Variants in GALNT13 observed in about 807,000 individuals in gnomAD.
GALNT13 encodes polypeptide N-acetylgalactosaminyltransferase 13.
Under a neutral mutation model 64.2 loss-of-function variants are expected in GALNT13, and 28 were observed. The ratio of observed to expected loss-of-function variants is 0.44; its 90% CI spans 0.32 to 0.60. The LOEUF is 0.60. Among genes scored for constraint, GALNT13 ranks in the 20% least tolerant of loss-of-function variants. GALNT13 has a pLI of 0.05. For missense variants in GALNT13, 577 were observed against 669.8 expected (o/e 0.86, Z 1.53); for synonymous variants, 214 against 224.6 (o/e 0.95, Z 0.42).
the GALNT13 span, among the ~76,000 whole-genome samples, chr2:153,621,017 A>T: frequency 6.6e-6 from 1 of 152,188 alleles, no homozygotes; most frequent in Non-Finnish European, 1.5e-5. Flanking sequence ...TTGTAGAGCT[A>T]TCACCTTGAT....
At chr2:153,457,149 G>C in the GALNT13 span, among the ~76,000 whole-genome samples, 408 of 152,324 alleles carry the variant, frequency 2.7e-3, 3 homozygotes, top group African/African-American at 9.0e-3. Context: ...TCAGCCTGAA[G>C]ATTTCATGCC....
chr2:153,378,496 A>G, the GALNT13 span, among the ~76,000 whole-genome samples: 1 of 152,128 alleles, frequency 6.6e-6, no homozygotes, highest in Non-Finnish European at 1.5e-5. Context: ...AAAATACTGG[A>G]TCAATCATGG....
intron 12 of GALNT13, chr2:154,446,348 C>A: frequency 3.1e-6 from 1 of 327,366 alleles, no homozygotes; most frequent in Admixed American, 4.4e-5. Context: ...ATCGTAAGCC[C>A]CTCTCCATAT....
Position 154,337,300 on chromosome 2 carries a change from T to G in GALNT13, c.1156+35711T>G, listed in dbSNP as rs905457141. 3.9e-5 allele frequency among the ~76,000 whole-genome samples: 6 copies of G among 152,122 alleles called. No homozygotes were observed. In the East Asian group the frequency reaches 9.6e-4, roughly 24 times the overall value. Reference sequence around the variant, plus strand: ...AATATATGTTCACTGTAGAAACCTTTCTAAAAAGTACTTATGAATGATAAT... The same window carrying G: ...AATATATGTTCACTGTAGAAACCTTGCTAAAAAGTACTTATGAATGATAAT... On this transcript the variant is annotated intron_variant, in intron 9 of 12. Transcript: ENST00000392825.
chr2:154,086,062 C>T (rs897482128), intron 3 of GALNT13, among the ~76,000 whole-genome samples: 1 of 150,786 alleles, frequency 6.6e-6, no homozygotes, highest in African/African-American at 2.4e-5. Context: ...TAATGTTAAA[C>T]TGAAAATACC....
chr2:153,923,731 CT>C (rs1160789955), intron 2 of GALNT13, among the ~76,000 whole-genome samples: 2 of 149,480 alleles, frequency 1.3e-5, no homozygotes. Flanking sequence ...TGATATTCCC[CT>C]TCCTGTGTCC....
chr2:154,214,183 C>T (rs1436614205), intron 4 of GALNT13, among the ~76,000 whole-genome samples: 3 of 152,162 alleles, frequency 2.0e-5, no homozygotes, highest in Non-Finnish European at 4.4e-5. Context: ...CTCACTAACA[C>T]GAGGCACCAA....
chr2:153,557,768 T>A, the GALNT13 span, among the ~76,000 whole-genome samples: 2 of 152,196 alleles, frequency 1.3e-5, no homozygotes, highest in Non-Finnish European at 2.9e-5. Context: ...GTCTTTAAGA[T>A]CAGGTCTGCC....
chr2:154,067,868 G>C (rs1700548627), intron 3 of GALNT13, among the ~76,000 whole-genome samples: 2 of 151,974 alleles, frequency 1.3e-5, no homozygotes, highest in Admixed American at 6.6e-5. Context: ...TGGACAAGTG[G>C]GATGTGTCAA....
the GALNT13 span, among the ~76,000 whole-genome samples, chr2:153,214,237 T>G: frequency 6.6e-6 from 1 of 152,092 alleles, no homozygotes; most frequent in African/African-American, 2.4e-5. Flanking sequence ...TCCTCAGCAA[T>G]GGTAGACTCA....
the GALNT13 span, among the ~76,000 whole-genome samples, chr2:153,145,196 A>G: frequency 6.6e-6 from 1 of 151,846 alleles, no homozygotes; most frequent in Non-Finnish European, 1.5e-5. Context: ...TGGATTGGTG[A>G]CTTTCAGTTT....
the GALNT13 span, among the ~76,000 whole-genome samples, chr2:153,610,675 A>G: frequency 6.6e-6 from 1 of 152,104 alleles, no homozygotes; most frequent in Non-Finnish European, 1.5e-5. Flanking sequence ...GTCTCCAAAA[A>G]ATAAAAATAA....
At chr2:154,261,417 G>T (rs963827809) in intron 8 of GALNT13, among the ~76,000 whole-genome samples, 7 of 152,026 alleles carry the variant, frequency 4.6e-5, no homozygotes, top group Non-Finnish European at 8.8e-5. Context: ...TCTTCTCTGT[G>T]ACATGAATAT....
At chr2:153,088,416 G>A in the GALNT13 span, among the ~76,000 whole-genome samples, 6 of 152,070 alleles carry the variant, frequency 3.9e-5, no homozygotes, top group Non-Finnish European at 8.8e-5. Flanking sequence ...TCCATGTGCA[G>A]ATCAAAAGAA....
the GALNT13 span, among the ~76,000 whole-genome samples, chr2:153,219,840 C>T: frequency 3.3e-3 from 495 of 152,280 alleles, 2 homozygotes; most frequent in African/African-American, 0.011. Context: ...TGAGTTATTG[C>T]TGAATCTGGG....
At chr2:153,386,851 C>T in the GALNT13 span, among the ~76,000 whole-genome samples, 1 of 152,080 alleles carries the variant, frequency 6.6e-6, no homozygotes, top group Non-Finnish European at 1.5e-5. Context: ...TGCCTATAAC[C>T]ACAAATATGT....
the GALNT13 span, among the ~76,000 whole-genome samples, chr2:153,201,431 C>T: frequency 1.3e-5 from 2 of 152,164 alleles, no homozygotes; most frequent in Non-Finnish European, 2.9e-5. Context: ...CCTGCCAAGC[C>T]TATTCATTTA....
At chr2:153,542,349 C>T in the GALNT13 span, among the ~76,000 whole-genome samples, 2 of 62,702 alleles carry the variant, frequency 3.2e-5, no homozygotes, top group Non-Finnish European at 5.4e-5. Flanking sequence ...CAAACAAACA[C>T]ACACACACAC....
At chr2:153,149,034 G>A in the GALNT13 span, among the ~76,000 whole-genome samples, 2 of 151,800 alleles carry the variant, frequency 1.3e-5, no homozygotes. Context: ...GGCCAGGACA[G>A]TCTTATGATC....
Sources: allele counts gnomAD v4.1 joint callset (sites outside exome capture counted in the v4.1 genomes callset), GRCh38; gene constraint gnomAD v4.1.1; transcripts MANE v1.5; gene names NCBI Gene and HGNC (gene_info 2026-07-23, HGNC 2026-07-21).